Variants in SNX8 observed in about 807,000 individuals in gnomAD.
The protein encoded by SNX8 is sorting nexin-8.
A neutral mutation model predicts 51.6 loss-of-function variants in SNX8; 25 were observed. The observed-to-expected ratio is 0.48, with a 90% confidence interval of 0.35 to 0.68. The LOEUF (loss-of-function observed/expected upper bound fraction) is 0.68, where lower values mean the gene tolerates loss of function less well. Among genes scored for constraint, SNX8 ranks in the 30% least tolerant of loss-of-function variants. The pLI is 0.00. For missense variants in SNX8, 695 were observed against 624.0 expected, an observed-to-expected ratio of 1.11 and a Z score of -1.21; for synonymous variants, 324 against 277.0, an observed-to-expected ratio of 1.17 and a Z score of -1.68.
chr7:2,318,948 T>C (rs1395485116), upstream of SNX8, among the ~76,000 whole-genome samples: 2 of 151,814 alleles, frequency 1.3e-5, no homozygotes, highest in African/African-American at 2.4e-5. Context: ...GTCAAGGCTG[T>C]GGTGAGCTGT....
Position 2,340,856 on chromosome 7 carries a change from CAAAAAAAAAA to C in SNX8, c.-66+13356_-66+13365del, listed in dbSNP as rs71026503. ...TGGGTAACAGAGGGAGGCTGCTTCTCAAAAAAAAAAAAAAAAAAAAAAAAAAAACTCTAAA... is the reference window on the plus strand; with the variant it reads ...TGGGTAACAGAGGGAGGCTGCTTCTCAAAAAAAAAAAAAAAAAACTCTAAA... On this transcript the variant is annotated intron_variant, in intron 1 of 5. Transcript: ENST00000435336. Among the ~76,000 whole-genome samples, 17 of 45,128 alleles carry C rather than the reference CAAAAAAAAAA, an allele frequency of 3.8e-4. No individual in the cohort carries two copies. The South Asian group carries it at 5.7e-3, about 15-fold the overall frequency. The allele number at this position is 45,128 out of a possible 152,430, so 29.6% of individuals were successfully genotyped here.
chr7:2,297,654 G>A (rs745326573), intron 1 of SNX8, among the ~76,000 whole-genome samples: 8 of 149,668 alleles, frequency 5.3e-5, no homozygotes, highest in South Asian at 2.1e-4. Context: ...CCCGTCAACC[G>A]ATGAGTAGAT....
intron 1 of SNX8, among the ~76,000 whole-genome samples, chr7:2,323,771 C>G (rs546563602): frequency 6.6e-6 from 1 of 152,156 alleles, no homozygotes; most frequent in Non-Finnish European, 1.5e-5. Flanking sequence ...CACGCTAACA[C>G]GTATTGAATG....
At chr7:2,285,659 A>G (rs745339323) in intron 1 of SNX8, among the ~76,000 whole-genome samples, 8 of 151,450 alleles carry the variant, frequency 5.3e-5, no homozygotes, top group Non-Finnish European at 7.4e-5. Context: ...CAGGTCTCAT[A>G]CTTTCTTTTT....
intron 5 of SNX8, among the ~76,000 whole-genome samples, chr7:2,266,086 T>C (rs748426283): frequency 6.6e-6 from 1 of 152,168 alleles, no homozygotes; most frequent in Non-Finnish European, 1.5e-5. Context: ...CACTGCACTA[T>C]AGCCTAGAGG....
chr7:2,281,818 G>C (rs892971367), intron 1 of SNX8, among the ~76,000 whole-genome samples: 3 of 152,184 alleles, frequency 2.0e-5, no homozygotes, highest in African/African-American at 7.2e-5. Flanking sequence ...TGAGCTTACT[G>C]TTCAAATCCG....
In SNX8 at chr7:2,278,101, T is replaced by C. The variant is rs756312200; in HGVS notation, c.299A>G (p.Gln100Arg). ...ACACACACACAATTTGCCAGTTACC[T>C]GGCTGGAAACCTCATACTCCACATG... ...LKHVEYEVSS[Q>R]RFKSSVYRRY... The change falls in exon 2 of 11, where the codon CAG becomes CGG. Residue 100 changes from glutamine to arginine, a missense_variant and splice_region_variant. Gln to Arg is a conservative substitution (Grantham distance 43). Coordinates refer to ENST00000222990, the MANE Select transcript of SNX8 (RefSeq NM_013321.4). 2.2e-5 allele frequency: 36 copies of C among 1,612,398 alleles called. 1 individual carries two copies. In the South Asian group the frequency reaches 3.8e-4, roughly 17 times the overall value.
intron 7 of SNX8, among the ~76,000 whole-genome samples, chr7:2,260,951 C>G (rs1433208328): frequency 6.6e-6 from 1 of 152,202 alleles, no homozygotes; most frequent in Non-Finnish European, 1.5e-5. Flanking sequence ...TCAGAAAAAA[C>G]CTTGGAAATC....
At chr7:2,281,268 T>G (rs1406509034) in intron 1 of SNX8, among the ~76,000 whole-genome samples, 1 of 151,496 alleles carries the variant, frequency 6.6e-6, no homozygotes, top group East Asian at 1.9e-4. Flanking sequence ...CTACAAAAAA[T>G]AAAATTACGG....
At chr7:2,255,233 T>C (rs1795149383) in intron 10 of SNX8, 64 bp from the exon 11 acceptor site, 6 of 1,064,206 alleles carry the variant, frequency 5.6e-6, no homozygotes, top group South Asian at 1.6e-5. Flanking sequence ...CACGCTCTGA[T>C]CCCAGTTCCT....
At chr7:2,327,352 G>T (rs576934027) in intron 1 of SNX8, among the ~76,000 whole-genome samples, 1 of 151,976 alleles carries the variant, frequency 6.6e-6, no homozygotes, top group East Asian at 1.9e-4. Flanking sequence ...CCATTCTCCT[G>T]CCTAAGCCTC....
chr7:2,303,366 T>A (rs528113195), intron 1 of SNX8, among the ~76,000 whole-genome samples: 1 of 148,510 alleles, frequency 6.7e-6, no homozygotes, highest in Admixed American at 6.6e-5. Flanking sequence ...AGCCGCCCCG[T>A]CTGGGAGGTG....
chr7:2,310,884 T>G (rs532739977), intron 1 of SNX8, among the ~76,000 whole-genome samples: 1 of 152,170 alleles, frequency 6.6e-6, no homozygotes, highest in Non-Finnish European at 1.5e-5. Context: ...AGTACATATA[T>G]GAATAAAATG....
chr7:2,307,919 C>T (rs1258692226), intron 1 of SNX8: 3 of 152,088 alleles, frequency 2.0e-5, no homozygotes, highest in African/African-American at 7.2e-5. Context: ...AACAGAATTC[C>T]CCTACCCGGA....
intron 1 of SNX8, among the ~76,000 whole-genome samples, chr7:2,326,164 G>A (rs2115229668): frequency 6.6e-6 from 1 of 152,028 alleles, no homozygotes; most frequent in South Asian, 2.1e-4. Context: ...AGGAGTTCAA[G>A]ACCAGCCTGG....
intron 2 of SNX8, among the ~76,000 whole-genome samples, chr7:2,275,751 C>A (rs1417154626): frequency 6.6e-6 from 1 of 152,120 alleles, no homozygotes; most frequent in Non-Finnish European, 1.5e-5. Flanking sequence ...GCATTCCCAG[C>A]ACTTTGGGAG....
chr7:2,349,595 C>A (rs555772868), intron 1 of SNX8, among the ~76,000 whole-genome samples: 1 of 151,770 alleles, frequency 6.6e-6, no homozygotes, highest in Non-Finnish European at 1.5e-5. Flanking sequence ...CAGGAGCACG[C>A]CCCCACACAC....
In SNX8 at chr7:2,290,835, G is replaced by C. The variant is rs192784288; in HGVS notation, c.95-12530C>G. On this transcript the variant is annotated intron_variant, in intron 1 of 10. Transcript: ENST00000222990. ...CAGAGAATCTTCCCTCCTCCACCACGGCCTCTCTGCCAATTCTCAGCTACA... is the reference window on the plus strand; with the variant it reads ...CAGAGAATCTTCCCTCCTCCACCACCGCCTCTCTGCCAATTCTCAGCTACA... Among the ~76,000 whole-genome samples the C allele has an allele frequency of 1.4e-4, 21 of 152,258 alleles. No individual in the cohort carries two copies. In the South Asian group the frequency reaches 2.1e-3, roughly 15 times the overall value.
intron 7 of SNX8, 27 bp from the exon 8 acceptor site, chr7:2,257,830 C>T (rs887700948): frequency 6.2e-7 from 1 of 1,609,300 alleles, no homozygotes; most frequent in African/African-American, 1.3e-5. Flanking sequence ...AGCTCACCCA[C>T]GCGGACGCAC....
Sources: gnomAD v4.1 joint callset for allele counts (sites outside exome capture counted in the v4.1 genomes callset) on GRCh38, gnomAD v4.1.1 for gene constraint, MANE v1.5 for transcripts, NCBI Gene and HGNC (gene_info 2026-07-23, HGNC 2026-07-21) for gene names.